MB21D2: variants seen among roughly 807,000 people sequenced by gnomAD.
MB21D2 encodes the protein nucleotidyltransferase MB21D2.
Under a neutral mutation model 33.3 loss-of-function variants are expected in MB21D2, and 9 were observed. That is an observed-to-expected ratio of 0.27 (90% CI 0.16 to 0.47). The LOEUF is 0.47. MB21D2 is among the 20% of genes least tolerant of loss of function. MB21D2 has a pLI of 0.99. For synonymous variants in MB21D2, 241 were observed against 236.3 expected (o/e 1.02, Z -0.18); for missense variants, 540 against 624.6 (o/e 0.86, Z 1.44).
chr3:192,901,287 C>T (rs1341624779), intron 1 of MB21D2, among the ~76,000 whole-genome samples: 2 of 151,696 alleles, frequency 1.3e-5, no homozygotes, highest in East Asian at 1.9e-4. Flanking sequence ...GACTTTATTG[C>T]GGCCGGGAGC....
chr3:192,854,921 A>T (rs1712883919), intron 1 of MB21D2, among the ~76,000 whole-genome samples: 1 of 152,240 alleles, frequency 6.6e-6, no homozygotes, highest in African/African-American at 2.4e-5. Context: ...GATTCTTTTC[A>T]AAATATTTCT....
intron 1 of MB21D2, among the ~76,000 whole-genome samples, chr3:192,820,856 T>C (rs1030874585): frequency 6.6e-6 from 1 of 152,088 alleles, no homozygotes; most frequent in Non-Finnish European, 1.5e-5. Flanking sequence ...CCTCAAACTC[T>C]TGGGCTCAAG....
At chr3:192,805,948 T>C (rs1424229504) in intron 1 of MB21D2, among the ~76,000 whole-genome samples, 1 of 152,242 alleles carries the variant, frequency 6.6e-6, no homozygotes, top group Non-Finnish European at 1.5e-5. Context: ...TTAAAGCCTC[T>C]AGCACATGCA....
At chr3:192,847,605 T>C (rs970969070) in intron 1 of MB21D2, among the ~76,000 whole-genome samples, 2 of 152,212 alleles carry the variant, frequency 1.3e-5, no homozygotes, top group African/African-American at 2.4e-5. Context: ...CCCTTCACCA[T>C]AATGCTCCAA....
intron 1 of MB21D2, among the ~76,000 whole-genome samples, chr3:192,855,298 CA>C (rs1712892896): frequency 1.3e-5 from 2 of 152,154 alleles, no homozygotes; most frequent in African/African-American, 4.8e-5. Context: ...GGGGTTTCAC[CA>C]CGTTGGCAAG....
chr3:192,849,997 C>T (rs1239898038), intron 1 of MB21D2, among the ~76,000 whole-genome samples: 1 of 151,406 alleles, frequency 6.6e-6, no homozygotes, highest in African/African-American at 2.4e-5. Context: ...TGGCTCACGG[C>T]AACCTTTGCC....
chr3:192,803,466 A>G (rs2108609020), intron 1 of MB21D2, among the ~76,000 whole-genome samples: 1 of 152,350 alleles, frequency 6.6e-6, no homozygotes, highest in Non-Finnish European at 1.5e-5. Context: ...ACACTGTTCC[A>G]GAAGCTAATC....
rs1711508039 is a variant in MB21D2, at chr3:192,799,341, G to T, written c.521C>A (p.Ala174Asp). The part of the protein sequence containing the change: ...CCTIVDHING[A>D]TNYFFSPTKV... ...GGTAGGTGAGAAGAAGTAGTTGGTG[G>T]CACCATTGATGTGATCTACAATGGT... The change falls in exon 2 of 2, where the codon GCC becomes GAC. Residue 174 changes from alanine to aspartate, a missense_variant. Coordinates refer to ENST00000392452, the MANE Select transcript of MB21D2 (RefSeq NM_178496.4). The surrounding 1 kb of genome is among the most constrained non-coding windows in gnomAD (Gnocchi z 4.1). 1 of 1,614,080 alleles carries T rather than the reference G, an allele frequency of 6.2e-7. No homozygotes were observed. The highest frequency in any genetic ancestry group is 8.5e-7 in the Non-Finnish European group (1 of 1,180,048).
At chr3:192,822,790 G>GTAC (rs954349768) in intron 1 of MB21D2, among the ~76,000 whole-genome samples, 5 of 152,144 alleles carry the variant, frequency 3.3e-5, no homozygotes, top group Non-Finnish European at 7.3e-5. Context: ...TGTCAAAGAG[G>GTAC]TACTGCTGGT....
chr3:192,894,407 G>A (rs865907858), intron 1 of MB21D2, among the ~76,000 whole-genome samples: 31 of 152,062 alleles, frequency 2.0e-4, no homozygotes, highest in African/African-American at 7.2e-4. Flanking sequence ...GTAGGAGTAT[G>A]AGCCACCCCA....
In MB21D2 at chr3:192,798,334, A is replaced by G; in HGVS notation, c.*52T>C. On this transcript the variant is annotated 3_prime_UTR_variant, in exon 2 of 2. Transcript: ENST00000392452. The surrounding 1 kb of genome is among the most constrained non-coding windows in gnomAD (Gnocchi z 4.8). ...ACAGAAAGATAGCATCACAAACCAC[A>G]CGACACATTATCAGAGTTTAAGAAT... 6.4e-7 allele frequency: 1 copy of G among 1,573,462 alleles called. No individual in the cohort carries two copies.
intron 1 of MB21D2, among the ~76,000 whole-genome samples, chr3:192,812,282 C>T (rs1711806006): frequency 6.6e-6 from 1 of 151,972 alleles, no homozygotes; most frequent in Non-Finnish European, 1.5e-5. Context: ...TCCTGACCTC[C>T]CAACTGGCCT....
chr3:192,879,035 A>G lies in MB21D2; in HGVS notation c.211+38595T>C, dbSNP rs148189954. 3.7e-3 allele frequency among the ~76,000 whole-genome samples: 557 copies of G among 152,284 alleles called. 2 individuals carry two copies. Among genetic ancestry groups the G allele is most frequent in the Non-Finnish European group, 5.5e-3 (371 of 68,022 alleles). ...TCTAAAGGAGCCCCCACCCTCCTCA[A>G]AAAGAAAAAGACAGCAAGAGGTGCT... On this transcript the variant is annotated intron_variant, in intron 1 of 1. Coordinates refer to ENST00000392452, the MANE Select transcript of MB21D2 (RefSeq NM_178496.4).
chr3:192,833,523 T>C (rs1219064779), intron 1 of MB21D2, among the ~76,000 whole-genome samples: 1 of 152,230 alleles, frequency 6.6e-6, no homozygotes, highest in Non-Finnish European at 1.5e-5. Context: ...AACTTCTAAA[T>C]ATTCCACAAA....
intron 1 of MB21D2, among the ~76,000 whole-genome samples, chr3:192,901,298 G>A (rs1350083013): frequency 2.0e-5 from 3 of 151,588 alleles, no homozygotes; most frequent in East Asian, 1.9e-4. Context: ...GGCCGGGAGC[G>A]GTGGCTCATG....
At chr3:192,808,291 G>A (rs1433707555) in intron 1 of MB21D2, among the ~76,000 whole-genome samples, 2 of 152,128 alleles carry the variant, frequency 1.3e-5, no homozygotes, top group Admixed American at 6.5e-5. Flanking sequence ...ATCAACATAT[G>A]ATTAGAAATT....
chr3:192,905,493 CA>C (rs1714190291), intron 1 of MB21D2, among the ~76,000 whole-genome samples: 1 of 151,598 alleles, frequency 6.6e-6, no homozygotes, highest in Admixed American at 6.6e-5. Flanking sequence ...AATAATTAGC[CA>C]GGGGTGGTGT....
chr3:192,909,105 A>T (rs921288367), intron 1 of MB21D2, among the ~76,000 whole-genome samples: 6 of 151,810 alleles, frequency 4.0e-5, no homozygotes, highest in Non-Finnish European at 1.5e-5. Context: ...AATACAAAAA[A>T]ATTAGCCAAG....
chr3:192,804,479 G>A (rs1711622230), intron 1 of MB21D2, among the ~76,000 whole-genome samples: 1 of 151,720 alleles, frequency 6.6e-6, no homozygotes, highest in Non-Finnish European at 1.5e-5. Flanking sequence ...ATGTTGAAGG[G>A]AGAAAGGTTT....
Sources: allele counts gnomAD v4.1 joint callset (sites outside exome capture counted in the v4.1 genomes callset), GRCh38; gene constraint gnomAD v4.1.1; non-coding constraint Gnocchi (gnomAD v3.1); transcripts MANE v1.5; gene names NCBI Gene and HGNC (gene_info 2026-07-23, HGNC 2026-07-21).